The following MCF2 variants were observed in gnomAD, a reference collection of about 807,000 sequenced individuals.
The protein encoded by MCF2 is MCF.2 cell line derived transforming sequence, also known as proto-oncogene DBL.
MCF2 carries 44 observed loss-of-function variants against 82.5 expected under a neutral mutation model. That is an observed-to-expected ratio of 0.53 (90% CI 0.42 to 0.69). The LOEUF (loss-of-function observed/expected upper bound fraction) is 0.69, where lower values mean the gene tolerates loss of function less well. Ranked by LOEUF, MCF2 falls within the 30% of genes least tolerant of loss-of-function variation. The probability of loss-of-function intolerance (pLI) is 0.00; values close to 1 mark genes in which losing one functional copy is unlikely to be tolerated. For synonymous variants in MCF2, 217 were observed against 224.9 expected (o/e 0.96, Z 0.32); for missense variants, 623 against 663.1 (o/e 0.94, Z 0.66).
chrX:139,614,996 G>C (rs1931788530), exon 10 of MCF2: 1 of 1,209,315 alleles, frequency 8.3e-7, no homozygotes. Flanking sequence ...CAGCCTGCTG[G>C]TTCTCAAATA....
At chrX:139,700,056 C>T (rs1347160686) in intron 1 of MCF2, among the ~76,000 whole-genome samples, 2 of 111,261 alleles carry the variant, frequency 1.8e-5, no homozygotes, top group African/African-American at 3.3e-5. Context: ...TGTTTGTGTC[C>T]TTGGTCTTCT....
At chrX:139,584,193 G>C (rs1928741108) in intron 24 of MCF2, among the ~76,000 whole-genome samples, 2 of 98,995 alleles carry the variant, frequency 2.0e-5, no homozygotes, top group Non-Finnish European at 4.0e-5. Context: ...TGGAGTGCAA[G>C]GGCACTATCT....
rs181213489 is a variant in MCF2, at chrX:139,655,569, G to A, written c.-44-3781C>T. On this transcript the variant is annotated intron_variant, in intron 1 of 27. Transcript: ENST00000414978. Reference sequence around the variant, plus strand: ...AAGTTCTAGGGTACAAGCGCACAACGTGCAGGTTTGTTACATATGTATACA... The same window carrying A: ...AAGTTCTAGGGTACAAGCGCACAACATGCAGGTTTGTTACATATGTATACA... Among the ~76,000 whole-genome samples, 838 of 111,244 alleles carry A rather than the reference G, an allele frequency of 7.5e-3. 9 individuals carry two copies. The highest frequency in any genetic ancestry group is 0.026 in the African/African-American group (784 of 30,565).
At chrX:139,642,362 G>C in intron 1 of MCF2, 1 of 1,039,538 alleles carries the variant, frequency 9.6e-7, no homozygotes, top group South Asian at 1.9e-5. Context: ...CTCTCCATCT[G>C]TCCTTAAAAA....
chrX:139,655,021 A>G (rs1332178750), intron 1 of MCF2, among the ~76,000 whole-genome samples: 1 of 112,173 alleles, frequency 8.9e-6, no homozygotes, highest in Non-Finnish European at 1.9e-5. Context: ...TTATGCCAGT[A>G]TCATGCTGTT....
chrX:139,682,680 C>T (rs1603307023), intron 1 of MCF2, among the ~76,000 whole-genome samples: 1 of 111,667 alleles, frequency 9.0e-6, no homozygotes, highest in East Asian at 2.8e-4. Context: ...AAGCCTTTGC[C>T]GATTCGTGGC....
chrX:139,592,379 C>T (rs2055010942), intron 19 of MCF2, among the ~76,000 whole-genome samples: 1 of 111,698 alleles, frequency 9.0e-6, no homozygotes, highest in Non-Finnish European at 1.9e-5. Context: ...CACCTAATAT[C>T]CCCCTTACTT....
At chrX:139,691,732 T>G (rs1935268286) in intron 1 of MCF2, among the ~76,000 whole-genome samples, 1 of 41,974 alleles carries the variant, frequency 2.4e-5, no homozygotes, top group Admixed American at 3.9e-4. Context: ...AGTGTGTGTG[T>G]GCGCGGCGGG....
chrX:139,629,234 T>C (rs927277882), intron 4 of MCF2, among the ~76,000 whole-genome samples: 3 of 111,799 alleles, frequency 2.7e-5, no homozygotes, highest in Non-Finnish European at 5.6e-5. Flanking sequence ...TACTGTACTG[T>C]ATACTGTAGG....
At chrX:139,596,061 G>A (rs1046242984) in intron 19 of MCF2, among the ~76,000 whole-genome samples, 1 of 111,540 alleles carries the variant, frequency 9.0e-6, no homozygotes. Flanking sequence ...GTGGAGCTAG[G>A]GAGTGGAGGA....
At position 139,615,070 on chromosome X, in the gene MCF2, A is replaced by T; in HGVS notation, c.1192-18T>A. On this transcript the variant is annotated intron_variant, in intron 9 of 24. Coordinates refer to ENST00000370576, the Ensembl canonical transcript of MCF2. ...ATTTGAACCTGCGAGTTGTATAAGA[A>T]TTATAGGAAATATTTTATGAAATGA... 8.6e-7 allele frequency: 1 copy of T among 1,156,614 alleles called. No individual in the cohort carries two copies. Among genetic ancestry groups the T allele is most frequent in the Non-Finnish European group, 1.2e-6 (1 of 850,451 alleles).
At chrX:139,590,126 G>A (rs968003372) in intron 19 of MCF2, among the ~76,000 whole-genome samples, 199 bp from the exon 24 acceptor site, 3 of 111,250 alleles carry the variant, frequency 2.7e-5, no homozygotes, top group African/African-American at 9.8e-5. Flanking sequence ...GCACTTTATA[G>A]TTCAGATTGC....
At chrX:139,625,994 C>T (rs17002180) in intron 6 of MCF2, among the ~76,000 whole-genome samples, 199 bp downstream of exon 9, 1,322 of 111,414 alleles carry the variant, frequency 0.012, 17 homozygotes, top group African/African-American at 0.041. Context: ...TCAAAGGAAA[C>T]GAGTAAGCTG....
chrX:139,602,540 A>G (rs1170697137), intron 15 of MCF2, 42 bp from the exon 20 acceptor site: 1 of 931,877 alleles, frequency 1.1e-6, no homozygotes, highest in South Asian at 2.1e-5. Flanking sequence ...TAATTTGTGA[A>G]TATGACTTTT....
intron 9 of MCF2, among the ~76,000 whole-genome samples, chrX:139,615,636 A>G (rs979910039): frequency 8.9e-6 from 1 of 111,817 alleles, no homozygotes; most frequent in Non-Finnish European, 1.9e-5. Flanking sequence ...ATCCCCTAGG[A>G]TATTCCGCTA....
chrX:139,636,185 G>C (rs1933207913), intron 1 of MCF2, among the ~76,000 whole-genome samples: 1 of 111,116 alleles, frequency 9.0e-6, no homozygotes, highest in Admixed American at 9.6e-5. Flanking sequence ...ATCTGACAGG[G>C]ACTTGTGGGA....
At chrX:139,679,203 T>C (rs901020930) in intron 1 of MCF2, among the ~76,000 whole-genome samples, 1 of 112,218 alleles carries the variant, frequency 8.9e-6, no homozygotes, top group Non-Finnish European at 1.9e-5. Context: ...CACATAATAA[T>C]GAATAGTGTC....
At position 139,598,487 on chromosome X, in the gene MCF2, T is replaced by C. The variant is rs1340953807; in HGVS notation, c.1848A>G (p.Arg616=). Residue 616 remains arginine, a synonymous_variant, in exon 17 of 25, where the codon AGA becomes AGG. Transcript: ENST00000370576. ...CCAGTCTAAGTCTGTGTTTTAACTTTCTTTGACATTCCTGTCATTAAAAGA... is the reference window on the plus strand; with the variant it reads ...CCAGTCTAAGTCTGTGTTTTAACTTCCTTTGACATTCCTGTCATTAAAAGA... The C allele has an allele frequency of 2.7e-6, 3 of 1,096,904 alleles. No homozygotes were observed. In the African/African-American group the frequency reaches 5.7e-5, roughly 21 times the overall value. The allele number at this position is 1,096,904 out of a possible 1,213,427, so 90.4% of individuals were successfully genotyped here.
At chrX:139,700,917 AGGTGCTGTGAAG>A (rs1165496924) in intron 1 of MCF2, among the ~76,000 whole-genome samples, 1 of 111,725 alleles carries the variant, frequency 9.0e-6, no homozygotes, top group African/African-American at 3.3e-5. Context: ...TGGAGACACC[AGGTGCTGTGAAG>A]GGTAGGAGTG....
Sources: allele counts gnomAD v4.1 joint callset (sites outside exome capture counted in the v4.1 genomes callset), GRCh38; gene constraint gnomAD v4.1.1; transcripts MANE v1.5; gene names NCBI Gene and HGNC (gene_info 2026-07-23, HGNC 2026-07-21).